Variants in DMD observed in about 807,000 individuals in gnomAD.
DMD encodes the protein dystrophin, also known as mutant dystrophin.
In DMD, 63 loss-of-function variants were observed where a neutral mutation model predicts 330.1. The observed-to-expected ratio is 0.19, with a 90% confidence interval of 0.16 to 0.24. The LOEUF (loss-of-function observed/expected upper bound fraction) is 0.24. Ranked by LOEUF, DMD falls within the 10% of genes least tolerant of loss-of-function variation. The probability of loss-of-function intolerance (pLI) is 1.00; values close to 1 mark genes in which losing one functional copy is unlikely to be tolerated. For missense variants in DMD, 3,344 were observed against 2,684.1 expected (o/e 1.25, Z -5.43); for synonymous variants, 1,223 against 959.8 (o/e 1.27, Z -5.07).
chrX:31,178,497 C>A, intron 70 of DMD, 172 bp downstream of exon 70: 1 of 944,401 alleles, frequency 1.1e-6, no homozygotes, highest in East Asian at 4.1e-5. Context: ...TGTCAAGTGA[C>A]GTGGGAAAGT....
intron 7 of DMD, among the ~76,000 whole-genome samples, chrX:32,765,475 T>C (rs2072863814): frequency 9.0e-6 from 1 of 111,486 alleles, no homozygotes. Flanking sequence ...AGCATCATGC[T>C]TCCTGTACAG....
At chrX:32,093,257 C>T (rs1420363620) in intron 44 of DMD, among the ~76,000 whole-genome samples, 3 of 112,050 alleles carry the variant, frequency 2.7e-5, no homozygotes, top group Non-Finnish European at 5.6e-5. Flanking sequence ...AATTCATCCA[C>T]TGATGGACGT....
chrX:31,158,454 T>G (rs907172770), intron 74 of DMD, among the ~76,000 whole-genome samples: 4 of 109,976 alleles, frequency 3.6e-5, no homozygotes, highest in African/African-American at 1.3e-4. Flanking sequence ...CTGAAAAGAG[T>G]AGTTGCAGGA....
At position 33,029,166 on chromosome X, in the gene DMD, C is replaced by T. The variant is rs773764563; in HGVS notation, c.32-8966G>A. 3.6e-5 allele frequency among the ~76,000 whole-genome samples: 4 copies of T among 111,710 alleles called. No individual in the cohort carries two copies. In the South Asian group the frequency reaches 1.1e-3, roughly 31 times the overall value. The stretch of plus-strand genomic sequence containing the variant: ...CTCAAACTACTCTGTTAATTATAGA[C>T]CTTCTGTCACCAATTCATTTCCTAA... On this transcript the variant is annotated intron_variant, in intron 1 of 78. Transcript: ENST00000357033.
intron 74 of DMD, among the ~76,000 whole-genome samples, chrX:31,162,414 A>C (rs1182000815): frequency 1.0e-5 from 1 of 100,385 alleles, no homozygotes. Context: ...ACTCTTATCC[A>C]GCATGTTCTA....
intron 55 of DMD, among the ~76,000 whole-genome samples, chrX:31,527,671 C>G (rs1176832799): frequency 9.0e-6 from 1 of 111,262 alleles, no homozygotes; most frequent in Non-Finnish European, 1.9e-5. Context: ...CTTTCTCCAG[C>G]TTCCTGGCTG....
intron 44 of DMD, among the ~76,000 whole-genome samples, chrX:32,096,346 C>A (rs1231769282): frequency 9.0e-6 from 1 of 111,325 alleles, no homozygotes; most frequent in Non-Finnish European, 1.9e-5. Context: ...GCTGCCTTGA[C>A]ATAGCTCTTC....
intron 51 of DMD, among the ~76,000 whole-genome samples, chrX:31,770,648 A>G (rs2090282402): frequency 9.0e-6 from 1 of 111,610 alleles, no homozygotes; most frequent in African/African-American, 3.3e-5. Context: ...CACCCACACA[A>G]TATCAGAGAA....
At chrX:32,707,595 T>G (rs372358615) in intron 7 of DMD, among the ~76,000 whole-genome samples, 1 of 112,440 alleles carries the variant, frequency 8.9e-6, no homozygotes, top group South Asian at 3.7e-4. Flanking sequence ...ATCTTTAAAT[T>G]TTCAATTTCC....
intron 44 of DMD, among the ~76,000 whole-genome samples, chrX:32,173,010 C>T (rs2096893188): frequency 1.9e-5 from 2 of 107,999 alleles, no homozygotes; most frequent in Non-Finnish European, 3.8e-5. Context: ...ACATTAACTG[C>T]TCAATTAAAA....
At chrX:32,031,100 G>A (rs1422217166) in intron 44 of DMD, among the ~76,000 whole-genome samples, 1 of 108,760 alleles carries the variant, frequency 9.2e-6, no homozygotes, top group Non-Finnish European at 1.9e-5. Context: ...ACTGGTTCAC[G>A]TCATTGAAAA....
chrX:31,907,155 G>T (rs2094488078), intron 47 of DMD, among the ~76,000 whole-genome samples: 1 of 111,775 alleles, frequency 8.9e-6, no homozygotes, highest in African/African-American at 3.2e-5. Context: ...ATAAAAATTT[G>T]AGCTCAAGTA....
At chrX:33,275,252 T>A (rs1327389903) in intron 1 of DMD, among the ~76,000 whole-genome samples, 1 of 111,903 alleles carries the variant, frequency 8.9e-6, no homozygotes, top group African/African-American at 3.2e-5. Flanking sequence ...AATTTGCTCA[T>A]AAAATTAGCA....
intron 1 of DMD, among the ~76,000 whole-genome samples, chrX:33,053,324 G>A (rs1463506203): frequency 9.0e-6 from 1 of 111,332 alleles, no homozygotes; most frequent in Non-Finnish European, 1.9e-5. Flanking sequence ...GGCCGGGCGC[G>A]GTGGCTCATG....
chrX:32,545,134 A>C, intron 17 of DMD, 25 bp downstream of exon 17: 2 of 1,197,387 alleles, frequency 1.7e-6, no homozygotes, highest in East Asian at 5.9e-5. Context: ...CTTCATTTGC[A>C]GATAAAAGCT....
chrX:31,649,028 T>C, intron 54 of DMD, among the ~76,000 whole-genome samples: 1 of 111,532 alleles, frequency 9.0e-6, no homozygotes, highest in Non-Finnish European at 1.9e-5. Flanking sequence ...AAAATGAAAA[T>C]ATAAATATAA....
At chrX:32,841,160 T>G (rs1248232533) in intron 4 of DMD, among the ~76,000 whole-genome samples, 2 of 111,337 alleles carry the variant, frequency 1.8e-5, no homozygotes, top group Non-Finnish European at 3.8e-5. Flanking sequence ...AAACATTTCT[T>G]AAATATGATT....
chrX:31,479,502 C>T (rs768702050), intron 57 of DMD, among the ~76,000 whole-genome samples: 1 of 112,161 alleles, frequency 8.9e-6, no homozygotes, highest in Admixed American at 9.4e-5. Flanking sequence ...TAATGGGAAG[C>T]CTTAAGGGCC....
intron 9 of DMD, among the ~76,000 whole-genome samples, chrX:32,681,490 A>G (rs2062420732): frequency 1.8e-5 from 2 of 111,775 alleles, no homozygotes; most frequent in Non-Finnish European, 3.8e-5. Context: ...AATAATTCAT[A>G]GTAAGAGAAG....
Sources: gnomAD v4.1 joint callset for allele counts (sites outside exome capture counted in the v4.1 genomes callset) on GRCh38, gnomAD v4.1.1 for gene constraint, MANE v1.5 for transcripts, NCBI Gene and HGNC (gene_info 2026-07-23, HGNC 2026-07-21) for gene names.